ANO9: variants seen among roughly 807,000 people sequenced by gnomAD.
The protein encoded by ANO9 is anoctamin-9.
In ANO9, 80 loss-of-function variants were observed where a neutral mutation model predicts 100.5. The observed-to-expected ratio is 0.80, with a 90% CI of 0.66 to 0.96. The LOEUF (loss-of-function observed/expected upper bound fraction) is 0.96. Ranked by LOEUF, ANO9 falls within the 40% of genes least tolerant of loss-of-function variation. The pLI is 0.00. For synonymous variants in ANO9, 473 were observed against 435.6 expected, an observed-to-expected ratio of 1.09 and a Z score of -1.07; for missense variants, 1,064 against 1,072.7, an observed-to-expected ratio of 0.99 and a Z score of 0.11.
Position 420,483 on chromosome 11 carries a change from G to T in ANO9, c.1766C>A (p.Pro589Gln). 6.2e-7 allele frequency: 1 copy of T among 1,603,358 alleles called. No individual in the cohort carries two copies. Residue 589 changes from proline to glutamine, a missense_variant, in exon 19 of 23, where the codon CCG becomes CAG. Physicochemically the swap from Pro to Gln is moderately conservative, Grantham distance 76. Transcript: ENST00000332826. ...CTGACCGATGTCCTTGGCCTTGCGC[G>T]GCACCAGGCGCCGCTGCAACCAGAC... is the stretch of plus-strand genomic sequence containing the variant. ...KMVWLQRRLV[P>Q]RKAKDIGTWL...
chr11:423,962 G>A (rs1400293764), intron 15 of ANO9, among the ~76,000 whole-genome samples: 6 of 151,310 alleles, frequency 4.0e-5, no homozygotes, highest in Non-Finnish European at 8.8e-5. Context: ...AGGCTGGAGC[G>A]CAATGGTGCG....
Position 422,753 on chromosome 11 carries a change from T to C in ANO9, c.1335-1555A>G, listed in dbSNP as rs1245411661. ...ATTTGATTGTTTGAAGCCACTAAGCTGTGGTCGTTTGTTATGGTGATTTTC... is the reference window on the plus strand; with the variant it reads ...ATTTGATTGTTTGAAGCCACTAAGCCGTGGTCGTTTGTTATGGTGATTTTC... On this transcript the variant is annotated intron_variant, in intron 15 of 22. Transcript: ENST00000332826. This position sits in a 1 kb window ranked among gnomAD's most constrained non-coding sequence, Gnocchi z 4.3. Among the ~76,000 whole-genome samples, 1 of 152,182 alleles carries C rather than the reference T, an allele frequency of 6.6e-6. No homozygotes were observed. The highest frequency in any genetic ancestry group is 1.5e-5 in the Non-Finnish European group (1 of 68,038).
rs370269364 is a variant in ANO9 at position 441,955 on chromosome 11, G to T, written c.-29C>A. ...GGCTGTGGCCGGAGTTCCAGCTGGG[G>T]TTTGGCGGCCAGGAGAGTGGCTGCC... On this transcript the variant is annotated 5_prime_UTR_variant, in exon 1 of 23. Coordinates refer to ENST00000332826, the MANE Select transcript of ANO9 (RefSeq NM_001012302.3). 52 of 1,604,516 alleles carry T rather than the reference G, an allele frequency of 3.2e-5. No individual in the cohort carries two copies. Among genetic ancestry groups the T allele is most frequent in the Non-Finnish European group, 4.2e-5 (50 of 1,178,724 alleles).
Position 429,816 on chromosome 11 carries a change from G to C in ANO9, c.774C>G (p.Leu258=). 6.2e-7 allele frequency: 1 copy of C among 1,602,300 alleles called. No homozygotes were observed. The highest frequency in any genetic ancestry group is 2.2e-5 in the East Asian group (1 of 44,556). The stretch of plus-strand genomic sequence containing the variant: ...TGCCATCATTGTCAAAGAGGTGGGT[G>C]AGCTGGGGGGGTGATAGGTGGGCCG... ...RLSETCTFAK[L]THLFDNDGTV... Residue 258 remains leucine, a splice_region_variant and synonymous_variant, in exon 10 of 23, where the codon CTC becomes CTG. Coordinates refer to ENST00000332826, the MANE Select transcript of ANO9 (RefSeq NM_001012302.3).
intron 3 of ANO9, 91 bp downstream of exon 3, chr11:433,724 G>C (rs1357804536): frequency 1.4e-6 from 2 of 1,478,970 alleles, no homozygotes; most frequent in African/African-American, 1.4e-5. Flanking sequence ...CCTGCCCCTC[G>C]CTGGGCACCC....
At chr11:437,156 C>A (rs1018007781) in intron 1 of ANO9, among the ~76,000 whole-genome samples, 2 of 151,700 alleles carry the variant, frequency 1.3e-5, no homozygotes, top group South Asian at 2.1e-4. Flanking sequence ...TTGTGCACTG[C>A]GCATGCAGGG....
chr11:436,163 G>A (rs2133713150), intron 1 of ANO9, among the ~76,000 whole-genome samples: 1 of 149,222 alleles, frequency 6.7e-6, no homozygotes, highest in South Asian at 2.1e-4. Flanking sequence ...CACCTCCCAG[G>A]TTCAAGCGAT....
Position 428,589 on chromosome 11 carries a change from C to A in ANO9, c.1071G>T (p.Leu357=). 6.2e-7 allele frequency: 1 copy of A among 1,612,572 alleles called. No homozygotes were observed. Among genetic ancestry groups the A allele is most frequent in the Non-Finnish European group, 8.5e-7 (1 of 1,179,886 alleles). The stretch of plus-strand genomic sequence containing the variant: ...CCGAGCTGCTGAAGAGCGCGGAGGC[C>A]AGGACGCGGTAGACCACCAGGACGT... ...MAHVLVVYRV[L]ASALFSSSAV... Residue 357 remains leucine, a synonymous_variant, in exon 13 of 23, where the codon CTG becomes CTT. Transcript: ENST00000332826.
rs758936051 is a variant in ANO9, at chr11:428,468, G to A, written c.1185+7C>T. On this transcript the variant is annotated splice_region_variant and intron_variant, in intron 13 of 22. Transcript: ENST00000332826. Reference sequence around the variant, plus strand: ...CCAGCTCGGGCCTGCCCTGCTCCCGGCCCCACCTTGGTCATGATGATGATG... The same window carrying A: ...CCAGCTCGGGCCTGCCCTGCTCCCGACCCCACCTTGGTCATGATGATGATG... 6.2e-7 allele frequency: 1 copy of A among 1,612,252 alleles called. No homozygotes were observed. Among genetic ancestry groups the A allele is most frequent in the African/African-American group, 1.3e-5 (1 of 74,898 alleles).
chr11:438,608 G>A (rs1375245948), intron 1 of ANO9, among the ~76,000 whole-genome samples: 1 of 150,826 alleles, frequency 6.6e-6, no homozygotes, highest in African/African-American at 2.5e-5. Context: ...CAGTGTTTAC[G>A]GAGCCACACC....
At chr11:420,293 C>T in intron 19 of ANO9, 170 bp downstream of exon 19, 1 of 1,442,730 alleles carries the variant, frequency 6.9e-7, no homozygotes, top group Non-Finnish European at 9.1e-7. Context: ...TCCTGGTACC[C>T]TCCCACCCAG....
At chr11:425,810 C>T (rs1848486588) in intron 15 of ANO9, among the ~76,000 whole-genome samples, 1 of 152,056 alleles carries the variant, frequency 6.6e-6, no homozygotes, top group South Asian at 2.1e-4. Context: ...CAGCTCACTG[C>T]AGGCTCTGCC....
At chr11:425,357 C>T (rs998269545) in intron 15 of ANO9, among the ~76,000 whole-genome samples, 5 of 151,022 alleles carry the variant, frequency 3.3e-5, no homozygotes, top group Non-Finnish European at 7.4e-5. Context: ...CGATGTACCA[C>T]AGAGAGGCTG....
intron 1 of ANO9, among the ~76,000 whole-genome samples, chr11:437,147 T>G (rs1299134993): frequency 6.6e-6 from 1 of 151,480 alleles, no homozygotes; most frequent in African/African-American, 2.4e-5. Flanking sequence ...AGAACCCCAT[T>G]GTGCACTGCG....
rs1590412802 is a variant in ANO9, at chr11:420,706, G to A, written c.1633+12C>T. 6.2e-7 allele frequency: 1 copy of A among 1,605,114 alleles called. No homozygotes were observed. Among genetic ancestry groups the A allele is most frequent in the East Asian group, 2.2e-5 (1 of 44,654 alleles). ...CGTCTCCGCGAACCCCCGCCCCGCA[G>A]CGCCCACGCACTCATCTCCATGAAC... On this transcript the variant is annotated intron_variant, in intron 18 of 22. Coordinates refer to ENST00000332826, the MANE Select transcript of ANO9 (RefSeq NM_001012302.3).
At position 441,931 on chromosome 11, in the gene ANO9, G is replaced by C. The variant is rs925436733; in HGVS notation, c.-5C>G. On this transcript the variant is annotated 5_prime_UTR_variant, in exon 1 of 23. Coordinates refer to ENST00000332826, the MANE Select transcript of ANO9 (RefSeq NM_001012302.3). ...GAGCGCAGGACTCACCTGCATGCTG[G>C]CTGTGGCCGGAGTTCCAGCTGGGGT... 6.2e-7 allele frequency: 1 copy of C among 1,607,446 alleles called. No homozygotes were observed. Among genetic ancestry groups the C allele is most frequent in the Non-Finnish European group, 8.5e-7 (1 of 1,179,252 alleles).
intron 1 of ANO9, among the ~76,000 whole-genome samples, chr11:434,894 T>TTG (rs1180707297): frequency 6.8e-4 from 103 of 152,302 alleles, no homozygotes; most frequent in South Asian, 1.4e-3. Flanking sequence ...TGTCTCTGGC[T>TTG]GCGTCACACC....
Position 430,324 on chromosome 11 carries a change from T to G in ANO9, c.619A>C (p.Thr207Pro). ...CCGCTCAGAAAGACTAAGAGGCCCGTCAGGGCGGCCGGCACCAGCATGTAG... is the reference window on the plus strand; with the variant it reads ...CCGCTCAGAAAGACTAAGAGGCCCGGCAGGGCGGCCGGCACCAGCATGTAG... ...YTYMLVPAAL[T>P]GLLVFLSGFS... Residue 207 changes from threonine to proline, a missense_variant, in exon 8 of 23, where the codon ACG (threonine) becomes CCG (proline). By Grantham distance (38) the Thr-to-Pro change is conservative (BLOSUM62 -1). Transcript: ENST00000332826. 1.9e-6 allele frequency: 3 copies of G among 1,609,204 alleles called. No homozygotes were observed. The highest frequency in any genetic ancestry group is 2.5e-6 in the Non-Finnish European group (3 of 1,178,806).
In ANO9 at chr11:422,099, C is replaced by T. The variant is rs1848232042; in HGVS notation, c.1335-901G>A. Among the ~76,000 whole-genome samples, 1 of 152,150 alleles carries T rather than the reference C, an allele frequency of 6.6e-6. No homozygotes were observed. Among genetic ancestry groups the T allele is most frequent in the Admixed American group, 6.5e-5 (1 of 15,282 alleles). ...GCAGAACTGGCTTTTCCGTGTGCGG[C>T]AAAGCTGCGGGGAAACATGGCATGA... On this transcript the variant is annotated intron_variant, in intron 15 of 22. Transcript: ENST00000332826. This position sits in a 1 kb window ranked among gnomAD's most constrained non-coding sequence, Gnocchi z 4.3.
Sources: allele counts gnomAD v4.1 joint callset (sites outside exome capture counted in the v4.1 genomes callset), GRCh38; gene constraint gnomAD v4.1.1; non-coding constraint Gnocchi (gnomAD v3.1); transcripts MANE v1.5; gene names NCBI Gene and HGNC (gene_info 2026-07-23, HGNC 2026-07-21).